The following SOX5 variants were observed in gnomAD, a reference collection of about 807,000 sequenced individuals.
The protein encoded by SOX5 is transcription factor SOX-5.
Under a neutral mutation model 92.0 loss-of-function variants are expected in SOX5, and 9 were observed. The ratio of observed to expected loss-of-function variants is 0.10; its 90% CI spans 0.06 to 0.17. The LOEUF (loss-of-function observed/expected upper bound fraction) is 0.17, where lower values mean the gene tolerates loss of function less well. SOX5 is among the 10% of genes least tolerant of loss of function. SOX5 has a pLI of 1.00. For missense variants in SOX5, 642 were observed against 944.5 expected, an observed-to-expected ratio of 0.68 and a Z score of 4.20; for synonymous variants, 344 against 336.3, an observed-to-expected ratio of 1.02 and a Z score of -0.25.
At chr12:24,489,588 G>C (rs1222067460) in intron 1 of SOX5, among the ~76,000 whole-genome samples, 2 of 151,998 alleles carry the variant, frequency 1.3e-5, no homozygotes, top group Non-Finnish European at 2.9e-5. Context: ...GATTTCACTT[G>C]ACAAAAATCT....
At chr12:23,570,768 G>A (rs767076335) in intron 10 of SOX5, among the ~76,000 whole-genome samples, 39 of 150,824 alleles carry the variant, frequency 2.6e-4, no homozygotes, top group African/African-American at 7.3e-4. Context: ...AAAATTAGCC[G>A]GGCGTGGTGG....
chr12:24,390,386 G>A (rs1480158385), intron 1 of SOX5, among the ~76,000 whole-genome samples: 2 of 152,130 alleles, frequency 1.3e-5, no homozygotes, highest in Middle Eastern at 3.2e-3. Context: ...TATTTTGACA[G>A]TTGAAAATTA....
chr12:24,077,356 C>A (rs751072660), intron 4 of SOX5, among the ~76,000 whole-genome samples: 1 of 152,080 alleles, frequency 6.6e-6, no homozygotes, highest in Non-Finnish European at 1.5e-5. Context: ...TGGAGACTGG[C>A]GCACAATTCT....
chr12:24,503,447 T>C (rs560031476), intron 1 of SOX5, among the ~76,000 whole-genome samples: 2 of 152,302 alleles, frequency 1.3e-5, no homozygotes, highest in East Asian at 1.9e-4. Context: ...ATAACGAGGC[T>C]GAAAAATCTC....
chr12:23,870,955 T>C (rs530140598), intron 2 of SOX5, among the ~76,000 whole-genome samples: 15 of 152,230 alleles, frequency 9.9e-5, no homozygotes, highest in African/African-American at 3.6e-4. Flanking sequence ...CATATGAAAA[T>C]CCCGTTATCC....
intron 4 of SOX5, among the ~76,000 whole-genome samples, chr12:24,092,714 T>C (rs1327069594): frequency 1.3e-5 from 2 of 152,246 alleles, no homozygotes; most frequent in African/African-American, 4.8e-5. Context: ...TAAAAACATC[T>C]GTAATATGGA....
intron 2 of SOX5, among the ~76,000 whole-genome samples, chr12:24,365,044 G>A (rs569033): frequency 0.068 from 10,346 of 152,060 alleles, 466 homozygotes; most frequent in Middle Eastern, 0.15. Flanking sequence ...TCCACAACTT[G>A]GGTATATTAA....
rs114303595 is a variant in SOX5, at chr12:24,473,606, C to T, written c.-251+88723G>A. 1.9e-3 allele frequency among the ~76,000 whole-genome samples: 292 copies of T among 152,200 alleles called. 1 individual carries two copies. Among genetic ancestry groups the T allele is most frequent in the African/African-American group, 6.5e-3 (271 of 41,538 alleles). On this transcript the variant is annotated intron_variant, in intron 1 of 4. Coordinates refer to the SOX5 transcript ENST00000446891. ...TTGAAAATGTTTTTAGGTTTTTTTG[C>T]TCCAGATCAAACAACCAAAACATAT...
At chr12:23,746,243 T>C (rs1251037165) in intron 4 of SOX5, among the ~76,000 whole-genome samples, 4 of 152,110 alleles carry the variant, frequency 2.6e-5, no homozygotes, top group Non-Finnish European at 5.9e-5. Context: ...TCACAAGACA[T>C]CCTTGACTTT....
At chr12:24,131,940 G>A (rs1949684645) in intron 4 of SOX5, among the ~76,000 whole-genome samples, 1 of 152,030 alleles carries the variant, frequency 6.6e-6, no homozygotes. Context: ...TATCTCTCAT[G>A]TCAGGGGCTA....
At chr12:23,804,397 CAGTA>C (rs970741830) in intron 3 of SOX5, among the ~76,000 whole-genome samples, 16 of 151,994 alleles carry the variant, frequency 1.1e-4, no homozygotes, top group African/African-American at 3.9e-4. Flanking sequence ...AAGGAAATTC[CAGTA>C]AGTGTGTGGC....
chr12:23,746,086 T>A (rs773335404), intron 4 of SOX5, among the ~76,000 whole-genome samples: 8 of 152,166 alleles, frequency 5.3e-5, no homozygotes, highest in Non-Finnish European at 1.2e-4. Flanking sequence ...AAAGAAATCT[T>A]CACCATTTTT....
intron 4 of SOX5, among the ~76,000 whole-genome samples, chr12:24,087,157 G>A (rs1944095500): frequency 6.6e-6 from 1 of 151,950 alleles, no homozygotes; most frequent in African/African-American, 2.4e-5. Context: ...TCAAGTGTGT[G>A]TTCTCTGTCT....
At chr12:24,320,918 G>A (rs1234116877) in intron 2 of SOX5, among the ~76,000 whole-genome samples, 2 of 151,724 alleles carry the variant, frequency 1.3e-5, no homozygotes, top group African/African-American at 2.4e-5. Flanking sequence ...GCAACTACAC[G>A]ATGTATTAAG....
At chr12:23,582,290 A>G (rs1950153625) in intron 9 of SOX5, 2 of 985,052 alleles carry the variant, frequency 2.0e-6, no homozygotes, top group South Asian at 9.4e-5. Context: ...GAGGTTTACT[A>G]GAAGAAACAA....
intron 4 of SOX5, 78 bp downstream of exon 4, chr12:23,755,560 T>C: frequency 9.5e-7 from 1 of 1,047,144 alleles, no homozygotes; most frequent in Non-Finnish European, 1.4e-6. Flanking sequence ...AGGGCAGAAA[T>C]ACTTTATCAC....
At chr12:23,626,361 G>A (rs2077786769) in intron 8 of SOX5, among the ~76,000 whole-genome samples, 1 of 152,016 alleles carries the variant, frequency 6.6e-6, no homozygotes, top group South Asian at 2.1e-4. Flanking sequence ...TGTTCTTAAT[G>A]TTCTTAGGTT....
intron 6 of SOX5, among the ~76,000 whole-genome samples, chr12:23,671,452 G>C (rs1292704789): frequency 1.3e-5 from 2 of 152,092 alleles, no homozygotes; most frequent in African/African-American, 4.8e-5. Flanking sequence ...AGCAGTTTCT[G>C]AGCAAATGAA....
intron 4 of SOX5, among the ~76,000 whole-genome samples, chr12:24,125,385 A>T (rs916195555): frequency 6.6e-6 from 1 of 152,136 alleles, no homozygotes; most frequent in African/African-American, 2.4e-5. Context: ...CCTTTTCATT[A>T]GAAATAGCAT....
Sources: gnomAD v4.1 joint callset for allele counts (sites outside exome capture counted in the v4.1 genomes callset) on GRCh38, gnomAD v4.1.1 for gene constraint, MANE v1.5 for transcripts, NCBI Gene and HGNC (gene_info 2026-07-23, HGNC 2026-07-21) for gene names.